Variants in PAFAH1B2 observed in about 807,000 individuals in gnomAD.
PAFAH1B2 encodes platelet activating factor acetylhydrolase 1b catalytic subunit 2, also known as platelet-activating factor acetylhydrolase IB subunit alpha2.
PAFAH1B2 carries 8 observed loss-of-function variants against 28.0 expected under a neutral mutation model. The ratio of observed to expected loss-of-function variants is 0.29; its 90% CI spans 0.17 to 0.52. The LOEUF (loss-of-function observed/expected upper bound fraction) is 0.52. Among genes scored for constraint, PAFAH1B2 ranks in the 20% least tolerant of loss-of-function variants. The pLI, the probability that PAFAH1B2 is intolerant of heterozygous loss-of-function variation, is 0.97. For missense variants in PAFAH1B2, 190 were observed against 282.6 expected (o/e 0.67, Z 2.35); for synonymous variants, 104 against 103.2 (o/e 1.01, Z -0.05).
chr11:117,169,613 A>G lies in PAFAH1B2; in HGVS notation c.*1914A>G, dbSNP rs921167775. The G allele has an allele frequency of 1.9e-6, 2 of 1,051,512 alleles. No homozygotes were observed. The highest frequency in any genetic ancestry group is 3.3e-5 in the African/African-American group (2 of 60,398). 65.1% of individuals were successfully genotyped at this position (1,051,512 alleles called of 1,614,324 possible). ...TGGTTTTGTTCTTTTTAAAAAATAC[A>G]TACTTTTTTGAATGTATCATGTCTT... On this transcript the variant is annotated 3_prime_UTR_variant, in exon 6 of 6. Coordinates refer to ENST00000527958, the MANE Select transcript of PAFAH1B2 (RefSeq NM_002572.4).
Position 117,168,337 on chromosome 11 carries a change from T to A in PAFAH1B2, c.*638T>A, listed in dbSNP as rs1432935509. On this transcript the variant is annotated 3_prime_UTR_variant, in exon 6 of 6. Coordinates refer to ENST00000527958, the MANE Select transcript of PAFAH1B2 (RefSeq NM_002572.4). ...CAGTAGAGGGATTCTTTGGAGGGTA[T>A]TATTTTTTATGCTGCTGAATATCAT... 1 of 1,064,134 alleles carries A rather than the reference T, an allele frequency of 9.4e-7. No homozygotes were observed. 65.9% of individuals were successfully genotyped at this position (1,064,134 alleles called of 1,614,324 possible).
chr11:117,167,742 C>A lies in PAFAH1B2; in HGVS notation c.*43C>A. 2 of 1,467,808 alleles carry A rather than the reference C, an allele frequency of 1.4e-6. No homozygotes were observed. The highest frequency in any genetic ancestry group is 3.2e-5 in the South Asian group (2 of 62,060). The allele number at this position is 1,467,808 out of a possible 1,614,324, so 90.9% of individuals were successfully genotyped here. On this transcript the variant is annotated 3_prime_UTR_variant, in exon 6 of 6. Coordinates refer to ENST00000527958, the MANE Select transcript of PAFAH1B2 (RefSeq NM_002572.4). Reference sequence around the variant, plus strand: ...TAATAGCATCTCAGCTTCCTCAGATCAGTTCTATCACTGGCACTACAGAAT... The same window carrying A: ...TAATAGCATCTCAGCTTCCTCAGATAAGTTCTATCACTGGCACTACAGAAT...
In PAFAH1B2 at chr11:117,168,173, A is replaced by G. The variant is rs1384967408; in HGVS notation, c.*474A>G. 12 of 1,047,246 alleles carry G rather than the reference A, an allele frequency of 1.1e-5. No individual in the cohort carries two copies. In the Admixed American group the frequency reaches 5.4e-4, roughly 47 times the overall value. 64.9% of individuals were successfully genotyped at this position (1,047,246 alleles called of 1,614,324 possible). ...TTTTATGTTGCTTAGATTCTTATGTATACTGAATATTTTATTAACATGTAG... is the reference window on the plus strand; with the variant it reads ...TTTTATGTTGCTTAGATTCTTATGTGTACTGAATATTTTATTAACATGTAG... On this transcript the variant is annotated 3_prime_UTR_variant, in exon 6 of 6. Transcript: ENST00000527958.
downstream of PAFAH1B2, chr11:117,175,075 A>G (rs2029899127): frequency 4.7e-6 from 6 of 1,287,390 alleles, no homozygotes; most frequent in Non-Finnish European, 4.9e-6. Flanking sequence ...TCTTTGGTCC[A>G]TTCAACACTC....
chr11:117,148,895 G>A (rs923771059), intron 1 of PAFAH1B2, among the ~76,000 whole-genome samples: 42 of 152,152 alleles, frequency 2.8e-4, no homozygotes, highest in African/African-American at 1.0e-3. Flanking sequence ...TTAGAGACAA[G>A]GTCTCACTGT....
At chr11:117,176,169 A>T (rs1195223987) in exon 6 of PAFAH1B2, 1 of 530,330 alleles carries the variant, frequency 1.9e-6, no homozygotes, top group African/African-American at 1.9e-5. Flanking sequence ...CATCTGTATA[A>T]TGAGGGGTTG....
intron 2 of PAFAH1B2, among the ~76,000 whole-genome samples, chr11:117,155,189 A>G (rs1013660451): frequency 6.6e-6 from 1 of 152,078 alleles, no homozygotes; most frequent in Non-Finnish European, 1.5e-5. Context: ...TCCTGACCTC[A>G]GGTGATCCAC....
At chr11:117,175,896 A>G, downstream of PAFAH1B2, 1 of 1,535,590 alleles carries the variant, frequency 6.5e-7, no homozygotes, top group Non-Finnish European at 8.7e-7. Flanking sequence ...AGTGTTTCTT[A>G]ATGTTTCAGA....
At chr11:117,144,931 C>G (rs1258868727) in intron 1 of PAFAH1B2, among the ~76,000 whole-genome samples, 1 of 152,200 alleles carries the variant, frequency 6.6e-6, no homozygotes, top group Non-Finnish European at 1.5e-5. Context: ...CCAGTTACTC[C>G]GTTGTGTTTT....
intron 4 of PAFAH1B2, among the ~76,000 whole-genome samples, chr11:117,162,096 A>G (rs565417739): frequency 1.3e-5 from 2 of 152,160 alleles, no homozygotes; most frequent in South Asian, 4.1e-4. Context: ...TCAGCTCCCA[A>G]AAAAGAACAA....
chr11:117,168,291 A>G lies in PAFAH1B2; in HGVS notation c.*592A>G, dbSNP rs1366511863. 2 of 1,063,636 alleles carry G rather than the reference A, an allele frequency of 1.9e-6. No individual in the cohort carries two copies. The highest frequency in any genetic ancestry group is 2.3e-6 in the Non-Finnish European group (2 of 878,344). The allele number at this position is 1,063,636 out of a possible 1,614,324, so 65.9% of individuals were successfully genotyped here. A position where few individuals can be genotyped will look rare whatever the true frequency, so the allele number is the denominator to read the frequency against. Reference sequence around the variant, plus strand: ...TTTCTTAATCTTTTCCATGCTTAGCAGTGAAAAACAGGTTTTGCCCCAGTA... The same window carrying G: ...TTTCTTAATCTTTTCCATGCTTAGCGGTGAAAAACAGGTTTTGCCCCAGTA... On this transcript the variant is annotated 3_prime_UTR_variant, in exon 6 of 6. Transcript: ENST00000527958.
At chr11:117,175,047 G>A, downstream of PAFAH1B2, 1 of 1,327,832 alleles carries the variant, frequency 7.5e-7, no homozygotes, top group Non-Finnish European at 9.6e-7. Flanking sequence ...CCTCAGCTGT[G>A]TGTTGAATGG....
At chr11:117,164,060 A>T in intron 5 of PAFAH1B2, 168 bp downstream of exon 5, 1 of 647,788 alleles carries the variant, frequency 1.5e-6, no homozygotes, top group East Asian at 2.8e-5. Flanking sequence ...TGGTTTCATC[A>T]TTCCCCATAC....
intron 2 of PAFAH1B2, among the ~76,000 whole-genome samples, chr11:117,153,372 T>C (rs375468582): frequency 0.014 from 1,034 of 73,790 alleles, 15 homozygotes; most frequent in African/African-American, 0.033. Context: ...TTTGTTTTAG[T>C]TTTTTTTTTG....
chr11:117,170,682 T>G lies in PAFAH1B2; in HGVS notation c.*2983T>G. 1 of 1,059,034 alleles carries G rather than the reference T, an allele frequency of 9.4e-7. No individual in the cohort carries two copies. The highest frequency in any genetic ancestry group is 1.1e-6 in the Non-Finnish European group (1 of 875,368). The allele number at this position is 1,059,034 out of a possible 1,614,324, so 65.6% of individuals were successfully genotyped here. On this transcript the variant is annotated 3_prime_UTR_variant, in exon 6 of 6. Transcript: ENST00000527958. Reference sequence around the variant, plus strand: ...ACTTTATTTTATTTTTTTAACCTAGTCACTGTTTACAATTGTATGCTAAAG... The same window carrying G: ...ACTTTATTTTATTTTTTTAACCTAGGCACTGTTTACAATTGTATGCTAAAG...
intron 2 of PAFAH1B2, among the ~76,000 whole-genome samples, chr11:117,155,688 A>G (rs1274085855): frequency 6.6e-6 from 1 of 152,056 alleles, no homozygotes; most frequent in Non-Finnish European, 1.5e-5. Flanking sequence ...GTGTAGGAAA[A>G]ATTATATATA....
downstream of PAFAH1B2, among the ~76,000 whole-genome samples, chr11:117,172,396 ATATATATATTTTTTTTTTT>A (rs1434461364): frequency 0.014 from 34 of 2,496 alleles, 1 homozygote; most frequent in Admixed American, 0.029. Context: ...ATATATATAT[ATATATATATTTTTTTTTTT>A]TTTTTTTTTT....
rs1956574678 is a variant in PAFAH1B2 at position 117,168,568 on chromosome 11, T to G, written c.*869T>G. On this transcript the variant is annotated 3_prime_UTR_variant, in exon 6 of 6. Coordinates refer to ENST00000527958, the MANE Select transcript of PAFAH1B2 (RefSeq NM_002572.4). ...CAGCCAGTTACTCTCATGATAGTAC[T>G]GCTATAAAACTCATTCTTGTGTGGT... 1 of 1,055,400 alleles carries G rather than the reference T, an allele frequency of 9.5e-7. No homozygotes were observed. The highest frequency in any genetic ancestry group is 1.7e-5 in the African/African-American group (1 of 59,998). The allele number at this position is 1,055,400 out of a possible 1,614,324, so 65.4% of individuals were successfully genotyped here.
Position 117,167,624 on chromosome 11 carries a change from C to T in PAFAH1B2, c.615C>T (p.Ile205=), listed in dbSNP as rs758532200. 1.2e-6 allele frequency: 2 copies of T among 1,610,042 alleles called. No individual in the cohort carries two copies. Among genetic ancestry groups the T allele is most frequent in the South Asian group, 2.2e-5 (2 of 90,440 alleles). ...LHLTGGGYAK[I]CKPLHELIMQ... ...TGACAGGAGGGGGCTATGCAAAGAT[C>T]TGCAAACCCCTGCATGAACTGATCA... Residue 205 remains isoleucine, a synonymous_variant, in exon 6 of 6, where the codon ATC becomes ATT. Transcript: ENST00000527958.
Sources: gnomAD v4.1 joint callset for allele counts (sites outside exome capture counted in the v4.1 genomes callset) on GRCh38, gnomAD v4.1.1 for gene constraint, MANE v1.5 for transcripts, NCBI Gene and HGNC (gene_info 2026-07-23, HGNC 2026-07-21) for gene names.